PRKAR1B: variants seen among roughly 807,000 people sequenced by gnomAD.
PRKAR1B encodes the protein cAMP-dependent protein kinase type I-beta regulatory subunit.
In PRKAR1B, 22 loss-of-function variants were observed where a neutral mutation model predicts 46.5. The observed-to-expected ratio is 0.47, with a 90% confidence interval of 0.34 to 0.68. The LOEUF is 0.68. PRKAR1B is among the 30% of genes least tolerant of loss of function. The pLI is 0.01. For synonymous variants in PRKAR1B, 259 were observed against 217.7 expected, an observed-to-expected ratio of 1.19 and a Z score of -1.67; for missense variants, 445 against 535.6, an observed-to-expected ratio of 0.83 and a Z score of 1.67.
At chr7:711,890 G>A (rs1020774503) in intron 1 of PRKAR1B, among the ~76,000 whole-genome samples, 1 of 151,996 alleles carries the variant, frequency 6.6e-6, no homozygotes. Flanking sequence ...CCAGGGCCTC[G>A]TCCTCCTCCA....
At chr7:675,645 G>A (rs1376144500) in intron 4 of PRKAR1B, among the ~76,000 whole-genome samples, 1 of 152,148 alleles carries the variant, frequency 6.6e-6, no homozygotes, top group Non-Finnish European at 1.5e-5. Flanking sequence ...ACCACCCAAT[G>A]TTCATAAAGT....
rs140680841 is a variant in PRKAR1B at position 621,037 on chromosome 7, T to C, written c.441-13585A>G. On this transcript the variant is annotated intron_variant, in intron 4 of 10. Transcript: ENST00000537384. ...CACCTATGTGACATGTCACATGCTCTTTCTCTACAATCTACTAATATGGTG... is the reference window on the plus strand; with the variant it reads ...CACCTATGTGACATGTCACATGCTCCTTCTCTACAATCTACTAATATGGTG... 2.8e-3 allele frequency among the ~76,000 whole-genome samples: 432 copies of C among 152,400 alleles called. 1 individual carries two copies. The highest frequency in any genetic ancestry group is 0.024 in the South Asian group (115 of 4,832).
At chr7:700,212 G>C (rs926735626) in intron 2 of PRKAR1B, among the ~76,000 whole-genome samples, 2 of 152,100 alleles carry the variant, frequency 1.3e-5, no homozygotes, top group Non-Finnish European at 2.9e-5. Context: ...CAATGTCCAA[G>C]TCCCAGACCA....
chr7:641,819 GTATT>G (rs1312224557), intron 4 of PRKAR1B, among the ~76,000 whole-genome samples: 1 of 151,972 alleles, frequency 6.6e-6, no homozygotes, highest in Non-Finnish European at 1.5e-5. Flanking sequence ...ATTTATTTAT[GTATT>G]TATTTACTTT....
intron 4 of PRKAR1B, among the ~76,000 whole-genome samples, chr7:670,815 C>G (rs1253240323): frequency 6.7e-6 from 1 of 150,098 alleles, no homozygotes; most frequent in Non-Finnish European, 1.5e-5. Context: ...AGCTCTCCCA[C>G]GCCGTGGCAT....
intron 2 of PRKAR1B, among the ~76,000 whole-genome samples, chr7:705,919 G>A (rs1389129510): frequency 3.3e-5 from 5 of 152,064 alleles, no homozygotes; most frequent in African/African-American, 4.8e-5. Context: ...CCAGCTACTC[G>A]GGAGGCTGAG....
intron 1 of PRKAR1B, among the ~76,000 whole-genome samples, chr7:715,417 C>T (rs1014160212): frequency 1.3e-5 from 2 of 152,048 alleles, no homozygotes; most frequent in Non-Finnish European, 2.9e-5. Flanking sequence ...ACAGGTCGGT[C>T]GCCACCCTGC....
chr7:684,269 G>A (rs1026194586), intron 2 of PRKAR1B, among the ~76,000 whole-genome samples: 5 of 152,186 alleles, frequency 3.3e-5, no homozygotes, highest in Non-Finnish European at 7.3e-5. Context: ...TTGCCCAGCC[G>A]GGAAGACGCT....
In PRKAR1B at chr7:667,992, C is replaced by T. The variant is rs182360801; in HGVS notation, c.440+9237G>A. ...CCCTTCTCCAAGCTTACGTATCTCT[C>T]GCACAACCTTATGTATCTCCCACAC... On this transcript the variant is annotated intron_variant, in intron 4 of 10. Coordinates refer to ENST00000537384, the MANE Select transcript of PRKAR1B (RefSeq NM_001164760.2). The surrounding 1 kb of genome is among the most constrained non-coding windows in gnomAD (Gnocchi z 4.3). Among the ~76,000 whole-genome samples the T allele has an allele frequency of 1.2e-4, 19 of 152,342 alleles. No homozygotes were observed. The highest frequency in any genetic ancestry group is 1.1e-3 in the Admixed American group (17 of 15,304).
At chr7:691,029 G>A (rs546831271) in intron 2 of PRKAR1B, among the ~76,000 whole-genome samples, 24 of 148,082 alleles carry the variant, frequency 1.6e-4, no homozygotes, top group African/African-American at 2.5e-4. Context: ...TGGCCAGTCC[G>A]CTGCAAATCC....
intron 4 of PRKAR1B, among the ~76,000 whole-genome samples, chr7:661,433 G>A (rs147309568): frequency 0.035 from 1,861 of 53,076 alleles, 80 homozygotes; most frequent in Non-Finnish European, 0.051. Flanking sequence ...CCACCCCAAC[G>A]GGTCCAAATA....
chr7:631,565 G>T (rs1783741662), intron 4 of PRKAR1B, among the ~76,000 whole-genome samples: 1 of 152,196 alleles, frequency 6.6e-6, no homozygotes, highest in Admixed American at 6.5e-5. Flanking sequence ...CCCCACAAAG[G>T]TGCTGCGTGG....
At chr7:724,877 A>T (rs1225943953) in intron 1 of PRKAR1B, among the ~76,000 whole-genome samples, 1 of 152,244 alleles carries the variant, frequency 6.6e-6, no homozygotes, top group Non-Finnish European at 1.5e-5. Context: ...GTTGGAGGAA[A>T]CAATGAATGA....
At chr7:599,785 G>GGGAATGTGTAATGTGGACAGA (rs1285186442) in intron 6 of PRKAR1B, among the ~76,000 whole-genome samples, 1 of 148,936 alleles carries the variant, frequency 6.7e-6, no homozygotes, top group African/African-American at 2.5e-5. Flanking sequence ...CACATGGGCA[G>GGGAATGTGTAATGTGGACAGA]GCCCCCCATT....
At chr7:634,917 G>A (rs758036292) in intron 4 of PRKAR1B, among the ~76,000 whole-genome samples, 1 of 152,102 alleles carries the variant, frequency 6.6e-6, no homozygotes, top group Non-Finnish European at 1.5e-5. Context: ...TGGGATCACA[G>A]GTGTGAGCCA....
At chr7:617,115 T>C (rs1174734281) in intron 4 of PRKAR1B, among the ~76,000 whole-genome samples, 1 of 148,094 alleles carries the variant, frequency 6.8e-6, no homozygotes, top group Non-Finnish European at 1.5e-5. Flanking sequence ...TGCCTCAGCC[T>C]CCCGAGTAGC....
At chr7:695,828 T>G (rs1032036835) in intron 2 of PRKAR1B, among the ~76,000 whole-genome samples, 3 of 151,964 alleles carry the variant, frequency 2.0e-5, no homozygotes, top group African/African-American at 4.8e-5. Context: ...CATGCCCGGC[T>G]AATTTTTTTG....
chr7:580,187 C>T (rs1313672930), intron 8 of PRKAR1B, among the ~76,000 whole-genome samples: 4 of 148,866 alleles, frequency 2.7e-5, no homozygotes, highest in Non-Finnish European at 5.9e-5. Flanking sequence ...GCTATGATCA[C>T]GTCACTGCAC....
At chr7:615,560 G>A (rs112913159) in intron 4 of PRKAR1B, among the ~76,000 whole-genome samples, 432 of 151,374 alleles carry the variant, frequency 2.9e-3, no homozygotes, top group African/African-American at 9.7e-3. Context: ...AAAGAAGGCC[G>A]GGTGCGGTGG....
Sources: gnomAD v4.1 joint callset for allele counts (sites outside exome capture counted in the v4.1 genomes callset) on GRCh38, gnomAD v4.1.1 for gene constraint, Gnocchi (gnomAD v3.1) non-coding constraint, MANE v1.5 for transcripts, NCBI Gene and HGNC (gene_info 2026-07-23, HGNC 2026-07-21) for gene names.